Variants in MED10 observed in about 807,000 individuals in gnomAD.
MED10 encodes the protein mediator complex subunit 10, also known as mediator of RNA polymerase II transcription subunit 10.
Under a neutral mutation model 17.2 loss-of-function variants are expected in MED10, and 9 were observed. That is an observed-to-expected ratio of 0.52 (90% CI 0.31 to 0.91). MED10 has a LOEUF of 0.91. Among genes scored for constraint, MED10 ranks in the 40% least tolerant of loss-of-function variants. MED10 has a pLI of 0.04. For synonymous variants in MED10, 66 were observed against 59.8 expected (o/e 1.10, Z -0.48); for missense variants, 129 against 164.8 (o/e 0.78, Z 1.19).
intron 1 of MED10, 51 bp from the exon 2 acceptor site, chr5:6,377,300 T>C: frequency 7.1e-7 from 1 of 1,401,502 alleles, no homozygotes; most frequent in Non-Finnish European, 1.0e-6. Flanking sequence ...CTTGACAGCA[T>C]AAGCACCACC....
At chr5:6,374,102 C>T (rs1180523260) in intron 3 of MED10, among the ~76,000 whole-genome samples, 1 of 152,212 alleles carries the variant, frequency 6.6e-6, no homozygotes, top group Non-Finnish European at 1.5e-5. Context: ...ACAAAAATTA[C>T]TCTGGATTTC....
chr5:6,375,915 G>A (rs1345636957), intron 2 of MED10, among the ~76,000 whole-genome samples: 1 of 152,222 alleles, frequency 6.6e-6, no homozygotes, highest in Non-Finnish European at 1.5e-5. Flanking sequence ...CCCTTAAGCA[G>A]TCTGTTCACA....
intron 2 of MED10, 46 bp downstream of exon 2, chr5:6,377,120 C>A (rs773973338): frequency 4.4e-6 from 6 of 1,374,940 alleles, no homozygotes; most frequent in Admixed American, 1.8e-5. Context: ...CACACCATAA[C>A]TGAACAAGAT....
At chr5:6,376,707 A>G (rs1737998163) in intron 2 of MED10, 1 of 152,364 alleles carries the variant, frequency 6.6e-6, no homozygotes, top group Admixed American at 6.5e-5. Context: ...TCTCAGAACT[A>G]GCACTCCACG....
In MED10 at chr5:6,377,970, T is replaced by C. The variant is rs369893563; in HGVS notation, c.122+392A>G. Among the ~76,000 whole-genome samples the C allele has an allele frequency of 8.3e-4, 126 of 152,284 alleles. No individual in the cohort carries two copies. The South Asian group carries it at 0.023, about 27-fold the overall frequency. On this transcript the variant is annotated intron_variant, in intron 1 of 3. Transcript: ENST00000255764. ...GGCCTAGTTTAGGGCGTGCACTCACTGTGGAGCCTGCCTCCCCTCTGGAGA... is the reference window on the plus strand; with the variant it reads ...GGCCTAGTTTAGGGCGTGCACTCACCGTGGAGCCTGCCTCCCCTCTGGAGA...
intron 1 of MED10, among the ~76,000 whole-genome samples, chr5:6,377,740 G>C (rs1738028854): frequency 6.6e-6 from 1 of 152,190 alleles, no homozygotes; most frequent in African/African-American, 2.4e-5. Flanking sequence ...TTCTATGTCC[G>C]TGCCACATAT....
chr5:6,377,737 T>C (rs923914693), intron 1 of MED10, among the ~76,000 whole-genome samples: 1 of 152,252 alleles, frequency 6.6e-6, no homozygotes, highest in African/African-American at 2.4e-5. Context: ...ATTTTCTATG[T>C]CCGTGCCACA....
intron 3 of MED10, among the ~76,000 whole-genome samples, chr5:6,372,881 G>A (rs1324355597): frequency 2.0e-5 from 3 of 152,212 alleles, no homozygotes; most frequent in Admixed American, 6.5e-5. Context: ...TGTAAGCCAC[G>A]TCCCTGGTGA....
rs1221213405 is a variant in MED10 at position 6,377,200 on chromosome 5, G to C, written c.172C>G (p.Leu58Val). 13 of 1,609,896 alleles carry C rather than the reference G, an allele frequency of 8.1e-6. No homozygotes were observed. Among genetic ancestry groups the C allele is most frequent in the Non-Finnish European group, 1.1e-5 (13 of 1,178,046 alleles). Residue 58 changes from leucine to valine, a missense_variant, in exon 2 of 4, where the codon CTT (leucine) becomes GTT (valine). By Grantham distance (32) the Leu-to-Val change is conservative (BLOSUM62 1). This residue lies in a region of MED10 where 100 missense variants were observed against 121.0 expected (regional missense o/e 0.83). Transcript: ENST00000255764. ...TCTAACGGTACAGTAATATCATGAA[G>C]CTGCTGTCTGCACTTGTCAATATCC... The part of the protein sequence containing the change: ...LQDIDKCRQQ[L>V]HDITVPLEVF...
chr5:6,372,288 T>C lies in MED10; in HGVS notation c.*215A>G, dbSNP rs73040189. On this transcript the variant is annotated 3_prime_UTR_variant, in exon 4 of 4. Transcript: ENST00000255764. ...GAGGGGTCAGCACTCTGAAAGCCAG[T>C]TGACGCCAGACAAGCTGCTGGAACA... 215 of 551,064 alleles carry C rather than the reference T, an allele frequency of 3.9e-4. No individual in the cohort carries two copies. The highest frequency in any genetic ancestry group is 1.4e-3 in the South Asian group (57 of 39,876). 34.1% of individuals were successfully genotyped at this position (551,064 alleles called of 1,614,324 possible).
intron 1 of MED10, 104 bp from the exon 2 acceptor site, chr5:6,377,353 C>A (rs1326624971): frequency 4.3e-6 from 3 of 689,778 alleles, no homozygotes; most frequent in East Asian, 5.7e-5. Context: ...CAAGTTCGTT[C>A]TCCTCACAGC....
rs566211302 is a variant in MED10, at chr5:6,372,709, G to A, written c.310-108C>T. On this transcript the variant is annotated intron_variant, in intron 3 of 3. Transcript: ENST00000255764. ...ACACATGGCCCACTAAGCAATACAG[G>A]GCCACGGGACTGACCTGAGACTTCC... 5 of 820,982 alleles carry A rather than the reference G, an allele frequency of 6.1e-6. No homozygotes were observed. In the South Asian group the frequency reaches 6.2e-5, roughly 10 times the overall value. The allele number at this position is 820,982 out of a possible 1,614,324, so 50.9% of individuals were successfully genotyped here.
chr5:6,375,408 C>T (rs919879673), intron 2 of MED10, among the ~76,000 whole-genome samples: 2 of 152,126 alleles, frequency 1.3e-5, no homozygotes, highest in African/African-American at 2.4e-5. Flanking sequence ...AAAAAGTAGC[C>T]TTGATAGATA....
intron 2 of MED10, 61 bp downstream of exon 2, chr5:6,377,105 G>A (rs111431156): frequency 2.3e-5 from 27 of 1,171,950 alleles, no homozygotes; most frequent in African/African-American, 1.5e-4. Flanking sequence ...AAGAAGTCAC[G>A]ATACCACACC....
chr5:6,374,564 C>T, intron 2 of MED10, 138 bp from the exon 3 acceptor site: 1 of 636,190 alleles, frequency 1.6e-6, no homozygotes, highest in Non-Finnish European at 2.8e-6. Context: ...AGTGTAGGAA[C>T]CAGGGGAATT....
chr5:6,375,784 A>C (rs1272895316), intron 2 of MED10, among the ~76,000 whole-genome samples: 1 of 152,196 alleles, frequency 6.6e-6, no homozygotes, highest in Non-Finnish European at 1.5e-5. Context: ...CATTGGGTAG[A>C]CACCAACCAC....
At chr5:6,375,752 T>G (rs893559535) in intron 2 of MED10, among the ~76,000 whole-genome samples, 3 of 152,184 alleles carry the variant, frequency 2.0e-5, no homozygotes, top group Non-Finnish European at 4.4e-5. Flanking sequence ...CAAAGGCCAC[T>G]GGGACCTGGA....
intron 3 of MED10, 44 bp downstream of exon 3, chr5:6,374,280 G>A (rs1258668859): frequency 7.6e-7 from 1 of 1,324,302 alleles, no homozygotes; most frequent in East Asian, 2.3e-5. Flanking sequence ...CCACTGAGAA[G>A]GCATCTCTTC....
chr5:6,372,069 T>C lies in MED10; in HGVS notation c.*434A>G, dbSNP rs1737898467. 6.4e-6 allele frequency: 1 copy of C among 155,154 alleles called. No homozygotes were observed. The highest frequency in any genetic ancestry group is 2.0e-4 in the South Asian group (1 of 4,958). 9.6% of individuals were successfully genotyped at this position (155,154 alleles called of 1,614,324 possible). On this transcript the variant is annotated 3_prime_UTR_variant, in exon 4 of 4. Coordinates refer to ENST00000255764, the MANE Select transcript of MED10 (RefSeq NM_032286.3). ...CTTCCCACATTAAACTGATTTTTCT[T>C]TTTTTAAAAAAATTTTTCCTAGTCG...
Sources: gnomAD v4.1 joint callset for allele counts (sites outside exome capture counted in the v4.1 genomes callset) on GRCh38, gnomAD v4.1.1 for gene constraint, gnomAD v4.1.1 regional missense constraint, MANE v1.5 for transcripts, NCBI Gene and HGNC (gene_info 2026-07-23, HGNC 2026-07-21) for gene names.